The following WWP2 variants were observed in gnomAD, a reference collection of about 807,000 sequenced individuals.
WWP2 encodes NEDD4-like E3 ubiquitin-protein ligase WWP2.
WWP2 carries 57 observed loss-of-function variants against 121.0 expected under a neutral mutation model. The ratio of observed to expected loss-of-function variants is 0.47; its 90% CI spans 0.38 to 0.59. The LOEUF (loss-of-function observed/expected upper bound fraction) is 0.59, where lower values mean the gene tolerates loss of function less well. Among genes scored for constraint, WWP2 ranks in the 20% least tolerant of loss-of-function variants. The pLI is 0.00. For missense variants in WWP2, 962 were observed against 1,158.9 expected, an observed-to-expected ratio of 0.83 and a Z score of 2.47; for synonymous variants, 449 against 441.3, an observed-to-expected ratio of 1.02 and a Z score of -0.22.
chr16:69,814,602 G>A (rs1049769017), intron 4 of WWP2, among the ~76,000 whole-genome samples: 3 of 152,034 alleles, frequency 2.0e-5, no homozygotes, highest in African/African-American at 7.2e-5. Flanking sequence ...CTCTTTCCTC[G>A]TGTGTCTACC....
chr16:69,787,332 G>A (rs934550474), intron 2 of WWP2, among the ~76,000 whole-genome samples: 1 of 152,202 alleles, frequency 6.6e-6, no homozygotes, highest in Non-Finnish European at 1.5e-5. Context: ...GCTCACGCCT[G>A]TAATTCAGCA....
intron 6 of WWP2, among the ~76,000 whole-genome samples, chr16:69,848,107 A>G (rs2057119835): frequency 6.6e-6 from 1 of 152,224 alleles, no homozygotes; most frequent in Non-Finnish European, 1.5e-5. Context: ...TTGATTCATA[A>G]AATTTTTCAT....
chr16:69,898,718 T>C (rs1321685210), intron 8 of WWP2, among the ~76,000 whole-genome samples: 1 of 152,230 alleles, frequency 6.6e-6, no homozygotes, highest in Non-Finnish European at 1.5e-5. Flanking sequence ...TTTGTTTGTT[T>C]TTGAGACGGA....
chr16:69,893,479 G>T (rs2058061382), intron 8 of WWP2, among the ~76,000 whole-genome samples: 1 of 152,176 alleles, frequency 6.6e-6, no homozygotes, highest in Non-Finnish European at 1.5e-5. Context: ...CAAGAAAGTT[G>T]AGCCTAATGC....
intron 7 of WWP2, 93 bp downstream of exon 7, chr16:69,872,024 T>C (rs1567396734): frequency 4.0e-6 from 6 of 1,496,740 alleles, no homozygotes; most frequent in Non-Finnish European, 5.4e-6. Context: ...TGTGTCAGAA[T>C]AGAGGGTGGG....
chr16:69,896,291 G>T (rs576433995), intron 8 of WWP2, among the ~76,000 whole-genome samples: 1 of 152,114 alleles, frequency 6.6e-6, no homozygotes, highest in South Asian at 2.1e-4. Context: ...GCTAATTTTT[G>T]TACTTTTTGT....
intron 6 of WWP2, among the ~76,000 whole-genome samples, chr16:69,846,049 C>CAAAAAAA (rs57201672): frequency 0.034 from 1,556 of 45,480 alleles, 276 homozygotes; most frequent in Middle Eastern, 0.15. Context: ...GACTCCATCT[C>CAAAAAAA]AAAAAAAAAA....
intron 19 of WWP2, 26 bp downstream of exon 19, chr16:69,936,478 G>T (rs367812375): frequency 2.5e-6 from 4 of 1,612,786 alleles, no homozygotes; most frequent in Non-Finnish European, 8.5e-7. Flanking sequence ...CGGGGGCTCC[G>T]CTCCAGGGGT....
At chr16:69,898,247 C>G (rs1359429394) in intron 8 of WWP2, among the ~76,000 whole-genome samples, 2 of 152,024 alleles carry the variant, frequency 1.3e-5, no homozygotes, top group Non-Finnish European at 2.9e-5. Context: ...AGGGTGGTCT[C>G]AAATTCCCAA....
At position 69,771,226 on chromosome 16, in the gene WWP2, C is replaced by G. The variant is rs114807201; in HGVS notation, c.-16+8835C>G. Among the ~76,000 whole-genome samples the G allele has an allele frequency of 8.5e-3, 1,299 of 152,192 alleles. 18 individuals carry two copies. The highest frequency in any genetic ancestry group is 0.03 in the African/African-American group (1,246 of 41,524). ...GCTTAATCTGATGTGTAGTTGTTTTCTCCTGTCAAAAGTTCTGTAATAATT... is the reference window on the plus strand; with the variant it reads ...GCTTAATCTGATGTGTAGTTGTTTTGTCCTGTCAAAAGTTCTGTAATAATT... On this transcript the variant is annotated intron_variant, in intron 1 of 23. Coordinates refer to ENST00000359154, the MANE Select transcript of WWP2 (RefSeq NM_001270454.2).
intron 1 of WWP2, among the ~76,000 whole-genome samples, chr16:69,764,874 T>A (rs1483332457): frequency 6.6e-6 from 1 of 152,238 alleles, no homozygotes; most frequent in Non-Finnish European, 1.5e-5. Flanking sequence ...ACATGTATGA[T>A]AACATTTTGG....
Position 69,939,999 on chromosome 16 carries a change from G to T in WWP2, c.*59G>T. The T allele has an allele frequency of 1.4e-6, 2 of 1,452,528 alleles. No individual in the cohort carries two copies. The highest frequency in any genetic ancestry group is 1.2e-5 in the South Asian group (1 of 81,058). 90.0% of individuals were successfully genotyped at this position (1,452,528 alleles called of 1,614,324 possible). On this transcript the variant is annotated 3_prime_UTR_variant, in exon 24 of 24. Transcript: ENST00000359154. ...ATGTAGTCCTGAGTCCTCCCTGCCT[G>T]AGAGGCCACTGGCCCCGCAGCCCTT...
At chr16:69,887,244 C>T (rs1342054392) in intron 7 of WWP2, among the ~76,000 whole-genome samples, 2 of 152,132 alleles carry the variant, frequency 1.3e-5, no homozygotes, top group Admixed American at 1.3e-4. Flanking sequence ...TGAGCATGAG[C>T]CTTTACAAGA....
intron 16 of WWP2, among the ~76,000 whole-genome samples, chr16:69,932,179 A>G (rs1428900164): frequency 2.0e-5 from 3 of 152,182 alleles, no homozygotes; most frequent in Admixed American, 6.5e-5. Flanking sequence ...AAAATACACA[A>G]TTAGCTGGGC....
chr16:69,778,192 A>ATATTTTTTT (rs1555544415), intron 1 of WWP2, among the ~76,000 whole-genome samples: 1 of 125,658 alleles, frequency 8.0e-6, no homozygotes, highest in African/African-American at 3.2e-5. Context: ...ATATATATAT[A>ATATTTTTTT]TTTTTTTTTT....
At chr16:69,846,070 A>AAAAAAG (rs58504050) in intron 6 of WWP2, among the ~76,000 whole-genome samples, 3 of 149,650 alleles carry the variant, frequency 2.0e-5, no homozygotes, top group African/African-American at 7.4e-5. Flanking sequence ...AAAAAAAAAA[A>AAAAAAG]GAATACTTAT....
At chr16:69,862,708 CTTTTTTTTT>C (rs546868069) in intron 6 of WWP2, among the ~76,000 whole-genome samples, 3 of 76,528 alleles carry the variant, frequency 3.9e-5, no homozygotes, top group African/African-American at 5.8e-5. Context: ...GCCATGAATT[CTTTTTTTTT>C]TTTTTTTTTT....
At chr16:69,829,183 C>T (rs1196449244) in intron 4 of WWP2, among the ~76,000 whole-genome samples, 2 of 152,162 alleles carry the variant, frequency 1.3e-5, no homozygotes, top group Non-Finnish European at 2.9e-5. Context: ...TTCTTCAGCT[C>T]CACTTCTGCT....
At chr16:69,828,668 T>C (rs779840757) in intron 4 of WWP2, among the ~76,000 whole-genome samples, 1 of 152,154 alleles carries the variant, frequency 6.6e-6, no homozygotes, top group Non-Finnish European at 1.5e-5. Flanking sequence ...CCTGGCCTAA[T>C]TTTTATATTT....
Sources: gnomAD v4.1 joint callset for allele counts (sites outside exome capture counted in the v4.1 genomes callset) on GRCh38, gnomAD v4.1.1 for gene constraint, MANE v1.5 for transcripts, NCBI Gene and HGNC (gene_info 2026-07-23, HGNC 2026-07-21) for gene names.